CDK19: variants seen among roughly 807,000 people sequenced by gnomAD.
CDK19 encodes the protein cyclin-dependent kinase 19.
CDK19 carries 20 observed loss-of-function variants against 68.3 expected under a neutral mutation model. That is an observed-to-expected ratio of 0.29 (90% CI 0.21 to 0.43). CDK19 has a LOEUF of 0.43. Ranked by LOEUF, CDK19 falls within the 20% of genes least tolerant of loss-of-function variation. The pLI is 1.00. For synonymous variants in CDK19, 221 were observed against 222.8 expected, an observed-to-expected ratio of 0.99 and a Z score of 0.07; for missense variants, 339 against 623.5, an observed-to-expected ratio of 0.54 and a Z score of 4.86.
intron 2 of CDK19, among the ~76,000 whole-genome samples, chr6:110,708,937 G>A (rs1353598540): frequency 2.0e-5 from 3 of 152,026 alleles, no homozygotes; most frequent in Non-Finnish European, 4.4e-5. Flanking sequence ...TTGCCTAACC[G>A]AATCCAGCAG....
intron 1 of CDK19, among the ~76,000 whole-genome samples, chr6:110,785,704 G>A (rs1303246012): frequency 6.6e-6 from 1 of 152,078 alleles, no homozygotes; most frequent in African/African-American, 2.4e-5. Context: ...TCATAGGCCG[G>A]GCGCGGTGGC....
chr6:110,659,178 T>C (rs935744904), intron 4 of CDK19, among the ~76,000 whole-genome samples: 1 of 152,248 alleles, frequency 6.6e-6, no homozygotes, highest in Non-Finnish European at 1.5e-5. Flanking sequence ...TCAGGCCCTA[T>C]TTAGCAGAGA....
At chr6:110,768,642 A>G (rs1398092423) in intron 1 of CDK19, among the ~76,000 whole-genome samples, 3 of 152,182 alleles carry the variant, frequency 2.0e-5, no homozygotes, top group African/African-American at 4.8e-5. Context: ...AAAAAGCTAC[A>G]TACTCAACTC....
At chr6:110,703,186 G>T (rs958727434) in intron 2 of CDK19, among the ~76,000 whole-genome samples, 1 of 152,068 alleles carries the variant, frequency 6.6e-6, no homozygotes, top group Non-Finnish European at 1.5e-5. Context: ...ACCTGAACTG[G>T]ACTAAAATAG....
At chr6:110,758,165 T>C (rs1249169518) in intron 1 of CDK19, among the ~76,000 whole-genome samples, 1 of 152,052 alleles carries the variant, frequency 6.6e-6, no homozygotes, top group Non-Finnish European at 1.5e-5. Flanking sequence ...CACTCCAGCC[T>C]GAGCTACAGA....
intron 1 of CDK19, among the ~76,000 whole-genome samples, chr6:110,762,067 G>T (rs1410283270): frequency 6.6e-6 from 1 of 152,100 alleles, no homozygotes; most frequent in Non-Finnish European, 1.5e-5. Flanking sequence ...TTATGCAAAG[G>T]TTCTGTGATC....
At chr6:110,734,521 C>CTCTCTCTCTCTCTCTCTCTCTCTCTG (rs1777060107) in intron 2 of CDK19, among the ~76,000 whole-genome samples, 1 of 23,460 alleles carries the variant, frequency 4.3e-5, no homozygotes, top group African/African-American at 2.4e-4. Flanking sequence ...GTGAGCACTG[C>CTCTCTCTCTCTCTCTCTCTCTCTCTG]TCTCTCTCTC....
chr6:110,770,220 T>C (rs1231466148), intron 1 of CDK19, among the ~76,000 whole-genome samples: 1 of 152,198 alleles, frequency 6.6e-6, no homozygotes, highest in Non-Finnish European at 1.5e-5. Context: ...CCTAAATATA[T>C]GATATAATAT....
chr6:110,739,363 T>C (rs978172218), intron 2 of CDK19, among the ~76,000 whole-genome samples: 1 of 152,136 alleles, frequency 6.6e-6, no homozygotes, highest in Non-Finnish European at 1.5e-5. Flanking sequence ...AAGTGGACCC[T>C]TACCAGACAC....
chr6:110,784,572 G>A (rs1309463925), intron 1 of CDK19, among the ~76,000 whole-genome samples: 1 of 152,120 alleles, frequency 6.6e-6, no homozygotes, highest in African/African-American at 2.4e-5. Flanking sequence ...GAAAGAGGCT[G>A]GTAGTTCTTC....
intron 1 of CDK19, among the ~76,000 whole-genome samples, chr6:110,785,330 C>T (rs868520527): frequency 2.0e-4 from 31 of 152,288 alleles, no homozygotes; most frequent in African/African-American, 7.5e-4. Flanking sequence ...AACCCACATG[C>T]AACTTCTGAC....
chr6:110,667,718 A>G (rs2114420370), intron 3 of CDK19, 144 bp from the exon 4 acceptor site: 2 of 467,910 alleles, frequency 4.3e-6, no homozygotes, highest in South Asian at 5.0e-5. Context: ...AATTTGAGTA[A>G]TAAGTTCAAC....
At chr6:110,680,067 T>C (rs1237026454) in intron 2 of CDK19, among the ~76,000 whole-genome samples, 1 of 152,262 alleles carries the variant, frequency 6.6e-6, no homozygotes, top group Admixed American at 6.5e-5. Flanking sequence ...TTAAATGATT[T>C]TGTTTTCAAC....
intron 2 of CDK19, among the ~76,000 whole-genome samples, chr6:110,732,732 T>C (rs1776854626): frequency 6.6e-6 from 1 of 152,140 alleles, no homozygotes; most frequent in South Asian, 2.1e-4. Flanking sequence ...AGCTTGAATT[T>C]TGACAGATAT....
intron 2 of CDK19, among the ~76,000 whole-genome samples, chr6:110,705,283 ACCTGCCTCGGCCTCCGT>A (rs1178337294): frequency 3.3e-5 from 5 of 152,018 alleles, no homozygotes; most frequent in African/African-American, 1.2e-4. Flanking sequence ...CAGGTGATCC[ACCTGCCTCGGCCTCCGT>A]AAGTGCTGGG....
chr6:110,785,852 T>A (rs908056318), intron 1 of CDK19, among the ~76,000 whole-genome samples: 1 of 151,968 alleles, frequency 6.6e-6, no homozygotes, highest in African/African-American at 2.4e-5. Context: ...TGCTGGCACA[T>A]GCCTGTAATC....
intron 4 of CDK19, among the ~76,000 whole-genome samples, chr6:110,665,817 T>C (rs1275017917): frequency 6.6e-6 from 1 of 152,088 alleles, no homozygotes; most frequent in Non-Finnish European, 1.5e-5. Flanking sequence ...TGATCTCAGC[T>C]CACTGCAACC....
At chr6:110,725,116 A>G (rs1268667870) in intron 2 of CDK19, among the ~76,000 whole-genome samples, 1 of 152,208 alleles carries the variant, frequency 6.6e-6, no homozygotes, top group Non-Finnish European at 1.5e-5. Flanking sequence ...ATTAAAGTAC[A>G]TTAAATCTCT....
At chr6:110,758,305 T>A (rs1251145785) in intron 1 of CDK19, among the ~76,000 whole-genome samples, 1 of 152,198 alleles carries the variant, frequency 6.6e-6, no homozygotes, top group Non-Finnish European at 1.5e-5. Flanking sequence ...AAGTGTCAAA[T>A]GTAGAAGCAA....
Sources: allele counts gnomAD v4.1 joint callset (sites outside exome capture counted in the v4.1 genomes callset), GRCh38; gene constraint gnomAD v4.1.1; transcripts MANE v1.5; gene names NCBI Gene and HGNC (gene_info 2026-07-23, HGNC 2026-07-21).